Variants in PRH1 observed in about 807,000 individuals in gnomAD.
The protein encoded by PRH1 is proline rich protein HaeIII subfamily 1, also known as salivary acidic proline-rich phosphoprotein 1/2.
PRH1 carries 7 observed loss-of-function variants against 7.9 expected under a neutral mutation model. The observed-to-expected ratio is 0.89, with a 90% CI of 0.50 to 1.67. The LOEUF is 1.67. Ranked by LOEUF, PRH1 falls within the 40% of genes most tolerant of loss-of-function variation. The pLI is 0.00. For missense variants in PRH1, 109 were observed against 223.6 expected (o/e 0.49, Z 3.27); for synonymous variants, 45 against 80.8 (o/e 0.56, Z 2.38).
chr12:11,026,269 C>T (rs1941908880), intron 1 of PRH1, among the ~76,000 whole-genome samples: 1 of 152,170 alleles, frequency 6.6e-6, no homozygotes. Flanking sequence ...CTCAAGGGAT[C>T]CTCCCACCTT....
At chr12:11,108,480 C>T (rs2597958) in intron 1 of PRH1, among the ~76,000 whole-genome samples, 151,552 of 152,314 alleles carry the variant, frequency 0.99, 75,400 homozygotes, top group Middle Eastern at 1. Context: ...GCTCATCTCA[C>T]TGGGACTGGT....
At chr12:10,917,791 G>C (rs1949993704) in intron 2 of PRH1, among the ~76,000 whole-genome samples, 1 of 152,186 alleles carries the variant, frequency 6.6e-6, no homozygotes, top group Non-Finnish European at 1.5e-5. Flanking sequence ...GTCAGTTCTT[G>C]TTCTCTTCTG....
chr12:11,154,625 G>A (rs1435870211), intron 1 of PRH1, among the ~76,000 whole-genome samples: 1 of 152,166 alleles, frequency 6.6e-6, no homozygotes, highest in Non-Finnish European at 1.5e-5. Context: ...AAGTCACCCA[G>A]GGAATCTCTT....
intron 1 of PRH1, among the ~76,000 whole-genome samples, chr12:11,066,003 T>G (rs1943793118): frequency 1.3e-5 from 2 of 152,216 alleles, no homozygotes. Flanking sequence ...GCTCCACCTT[T>G]CTATTCCATG....
chr12:10,967,142 A>C (rs1938546359), intron 2 of PRH1, among the ~76,000 whole-genome samples: 1 of 151,838 alleles, frequency 6.6e-6, no homozygotes, highest in Non-Finnish European at 1.5e-5. Context: ...AAAAGTAGAA[A>C]AAAACCTTTG....
In PRH1 at chr12:10,882,317, G is replaced by A. The variant is rs563791196; in HGVS notation, c.482C>T (p.Pro161Leu). ...TCCCTGGGGCTTTCCAGGAGGAGGTGGGGGAGGACCTTGCTGATGGCCTCC... is the reference window on the plus strand; with the variant it reads ...TCCCTGGGGCTTTCCAGGAGGAGGTAGGGGAGGACCTTGCTGATGGCCTCC... ...QQGGHQQGPP[P>L]PPPGKPQGPP... The change falls in exon 3 of 4, where the codon CCA becomes CTA. Residue 161 changes from proline (P) to leucine (L), a missense_variant. Coordinates refer to ENST00000543626, the MANE Select transcript of PRH1 (RefSeq NM_001393989.1). The A allele has an allele frequency of 1.9e-6, 3 of 1,609,048 alleles. No individual in the cohort carries two copies. Among genetic ancestry groups the A allele is most frequent in the East Asian group, 2.2e-5 (1 of 44,788 alleles).
chr12:11,100,453 C>A (rs1945201169), intron 1 of PRH1, among the ~76,000 whole-genome samples: 1 of 152,272 alleles, frequency 6.6e-6, no homozygotes, highest in African/African-American at 2.4e-5. Flanking sequence ...ACCACAAACT[C>A]TCCTCACAGG....
chr12:10,981,005 G>A (rs1443071733), intron 1 of PRH1, among the ~76,000 whole-genome samples: 2 of 152,196 alleles, frequency 1.3e-5, no homozygotes, highest in African/African-American at 4.8e-5. Flanking sequence ...TATAAACCAA[G>A]AGGGGGAAAG....
At chr12:11,147,670 A>G (rs923433475) in intron 1 of PRH1, among the ~76,000 whole-genome samples, 18 of 152,214 alleles carry the variant, frequency 1.2e-4, no homozygotes, top group African/African-American at 4.3e-4. Flanking sequence ...AAATTTGTCT[A>G]TCTCATTCCA....
chr12:11,086,109 C>T (rs1944679937), intron 1 of PRH1, among the ~76,000 whole-genome samples: 2 of 19,588 alleles, frequency 1.0e-4, no homozygotes, highest in East Asian at 5.7e-3. Context: ...CACATTCCCC[C>T]CCCCACACAC....
upstream of PRH1, chr12:11,049,172 G>A (rs943018199): frequency 3.6e-6 from 4 of 1,115,716 alleles, no homozygotes; most frequent in Non-Finnish European, 4.7e-6. Context: ...ACACCTACTA[G>A]AGCTATGAAG....
chr12:11,099,173 T>G (rs2136278433), intron 1 of PRH1, among the ~76,000 whole-genome samples: 1 of 152,254 alleles, frequency 6.6e-6, no homozygotes, highest in East Asian at 1.9e-4. Context: ...GTTCAATCAT[T>G]TAACTTACTT....
chr12:11,092,065 T>G, intron 1 of PRH1: 1 of 1,545,288 alleles, frequency 6.5e-7, no homozygotes, highest in South Asian at 1.1e-5. Context: ...GCAAACCAAC[T>G]CTGGAGACCG....
intron 1 of PRH1, among the ~76,000 whole-genome samples, chr12:11,069,600 T>TC (rs1943975701): frequency 1.3e-5 from 2 of 152,058 alleles, no homozygotes; most frequent in Admixed American, 1.3e-4. Context: ...AAGACTAACC[T>TC]TGGCAACATA....
chr12:10,997,205 T>G (rs201071026), intron 1 of PRH1: 3 of 1,614,148 alleles, frequency 1.9e-6, no homozygotes, highest in Admixed American at 3.3e-5. Flanking sequence ...AGCTTTTATG[T>G]GGATCTTGGT....
At chr12:11,129,842 C>T (rs1946277364) in intron 1 of PRH1, among the ~76,000 whole-genome samples, 1 of 152,276 alleles carries the variant, frequency 6.6e-6, no homozygotes, top group South Asian at 2.1e-4. Flanking sequence ...AAACATCCTG[C>T]CAGTTTAATG....
intron 2 of PRH1, among the ~76,000 whole-genome samples, chr12:10,956,314 C>T (rs552227900): frequency 5.9e-5 from 9 of 152,194 alleles, no homozygotes; most frequent in African/African-American, 1.9e-4. Flanking sequence ...GTGAAACTAA[C>T]AAAAACCACA....
chr12:10,988,614 A>C (rs544906706), intron 1 of PRH1, among the ~76,000 whole-genome samples: 1 of 152,208 alleles, frequency 6.6e-6, no homozygotes, highest in South Asian at 2.1e-4. Context: ...TATAATGCAC[A>C]CTTAGAAATG....
In PRH1 at chr12:11,098,119, T is replaced by G. The variant is rs1170408272; in HGVS notation, n.124-50931A>C. On this transcript the variant is annotated intron_variant and non_coding_transcript_variant, in intron 1 of 4. Transcript: ENST00000541977. The stretch of plus-strand genomic sequence containing the variant: ...ACAGTATATCAACTTTAGTTTATCT[T>G]TTAATAGCATCATTAGCAAGCCAAA... Among the ~76,000 whole-genome samples, 7 of 19,290 alleles carry G rather than the reference T, an allele frequency of 3.6e-4. 2 individuals carry two copies. The highest frequency in any genetic ancestry group is 5.0e-4 in the African/African-American group (7 of 14,094). 12.7% of individuals were successfully genotyped at this position (19,290 alleles called of 152,430 possible).
Sources: gnomAD v4.1 joint callset for allele counts (sites outside exome capture counted in the v4.1 genomes callset) on GRCh38, gnomAD v4.1.1 for gene constraint, MANE v1.5 for transcripts, NCBI Gene and HGNC (gene_info 2026-07-23, HGNC 2026-07-21) for gene names.